MTMR2: variants seen among roughly 807,000 people sequenced by gnomAD.
MTMR2 encodes phosphatidylinositol-3,5-bisphosphate 3-phosphatase MTMR2.
A neutral mutation model predicts 86.9 loss-of-function variants in MTMR2; 55 were observed. The observed-to-expected ratio is 0.63, with a 90% CI of 0.51 to 0.79. MTMR2 has a LOEUF of 0.79. Ranked by LOEUF, MTMR2 falls within the 30% of genes least tolerant of loss-of-function variation. The pLI is 0.00. For missense variants in MTMR2, 659 were observed against 772.3 expected, an observed-to-expected ratio of 0.85 and a Z score of 1.74; for synonymous variants, 241 against 266.8, an observed-to-expected ratio of 0.90 and a Z score of 0.94.
Position 95,849,686 on chromosome 11 carries a change from A to C in MTMR2, c.981T>G (p.Ala327=), listed in dbSNP as rs2135439193. 4 of 1,614,034 alleles carry C rather than the reference A, an allele frequency of 2.5e-6. No homozygotes were observed. The highest frequency in any genetic ancestry group is 3.4e-6 in the Non-Finnish European group (4 of 1,179,880). Reference sequence around the variant, plus strand: ...GAGACCATCTGACCTTGTTGGCAACAGCATTAACACTTGGCCGGGCATCAA... The same window carrying C: ...GAGACCATCTGACCTTGTTGGCAACCGCATTAACACTTGGCCGGGCATCAA... The part of the protein sequence containing the change: ...FIFDARPSVN[A]VANKAKGGGY... Residue 327 remains alanine, a synonymous_variant, in exon 9 of 15, where the codon GCT becomes GCG. Coordinates refer to ENST00000346299, the MANE Select transcript of MTMR2 (RefSeq NM_016156.6).
chr11:95,919,914 CA>C (rs1320343263), intron 1 of MTMR2, among the ~76,000 whole-genome samples: 1 of 151,954 alleles, frequency 6.6e-6, no homozygotes, highest in East Asian at 1.9e-4. Flanking sequence ...CCCACTAAAG[CA>C]GTGCATTTTA....
chr11:95,854,893 C>T (rs370243421), intron 7 of MTMR2, among the ~76,000 whole-genome samples: 11 of 152,106 alleles, frequency 7.2e-5, no homozygotes, highest in South Asian at 4.2e-4. Flanking sequence ...ACTGCAGCCT[C>T]GAGCTCCAGG....
chr11:95,849,526 T>G, intron 9 of MTMR2, 148 bp downstream of exon 9: 1 of 744,754 alleles, frequency 1.3e-6, no homozygotes, highest in East Asian at 2.5e-5. Flanking sequence ...AATAACTAAC[T>G]CAAAATCACA....
At chr11:95,911,497 G>A (rs996672625) in intron 1 of MTMR2, among the ~76,000 whole-genome samples, 2 of 152,110 alleles carry the variant, frequency 1.3e-5, no homozygotes, top group African/African-American at 2.4e-5. Flanking sequence ...GGACTGGAGG[G>A]CAGGAAGGAC....
intron 1 of MTMR2, among the ~76,000 whole-genome samples, chr11:95,920,051 C>G (rs1866857313): frequency 6.6e-6 from 1 of 152,214 alleles, no homozygotes; most frequent in Admixed American, 6.5e-5. Context: ...ATTATCACAT[C>G]TGACCTACAG....
chr11:95,862,088 A>G lies in MTMR2; in HGVS notation c.372T>C (p.Val124=). Residue 124 remains valine (V), a synonymous_variant, in exon 5 of 15, where the codon GTT becomes GTC. Transcript: ENST00000346299. ...FKSMERDPPF[V]LDASLGVINR... The stretch of plus-strand genomic sequence containing the variant: ...TTATCACACCAAGGGAAGCATCTAA[A>G]ACAAATGGGGGATCCTAAAGAAGGA... 1 of 1,613,730 alleles carries G rather than the reference A, an allele frequency of 6.2e-7. No individual in the cohort carries two copies. The highest frequency in any genetic ancestry group is 8.5e-7 in the Non-Finnish European group (1 of 1,179,704).
chr11:95,855,107 G>GCCTTTGCCCATTTTTGAAGAGATAT (rs1192555853), intron 7 of MTMR2, among the ~76,000 whole-genome samples: 1 of 152,002 alleles, frequency 6.6e-6, no homozygotes, highest in East Asian at 1.9e-4. Context: ...ACTGTGCCCA[G>GCCTTTGCCCATTTTTGAAGAGATAT]ATGACTTGAT....
At chr11:95,846,728 C>G (rs994204373) in intron 10 of MTMR2, among the ~76,000 whole-genome samples, 1 of 152,080 alleles carries the variant, frequency 6.6e-6, no homozygotes. Context: ...TCAAACACAG[C>G]GATTTATGTT....
At chr11:95,872,276 T>C (rs1425338053) in intron 2 of MTMR2, among the ~76,000 whole-genome samples, 1 of 152,216 alleles carries the variant, frequency 6.6e-6, no homozygotes, top group African/African-American at 2.4e-5. Context: ...ATCCATTTGT[T>C]TGTATCCTCT....
intron 13 of MTMR2, among the ~76,000 whole-genome samples, chr11:95,836,660 C>A (rs1163777875): frequency 6.6e-6 from 1 of 151,628 alleles, no homozygotes; most frequent in Non-Finnish European, 1.5e-5. Flanking sequence ...CATCAACTGA[C>A]GAATGGATAA....
At chr11:95,915,545 T>A (rs1487111546) in intron 1 of MTMR2, among the ~76,000 whole-genome samples, 1 of 152,170 alleles carries the variant, frequency 6.6e-6, no homozygotes, top group Non-Finnish European at 1.5e-5. Context: ...AAGACACAGA[T>A]GTCTCCGCAT....
chr11:95,862,492 C>T, intron 3 of MTMR2, 126 bp from the exon 4 acceptor site: 2 of 768,442 alleles, frequency 2.6e-6, no homozygotes, highest in Non-Finnish European at 4.4e-6. Flanking sequence ...CCAGTAATTT[C>T]CAGAGACCTC....
chr11:95,887,905 C>A (rs1865570001), intron 2 of MTMR2: 1 of 418,132 alleles, frequency 2.4e-6, no homozygotes, highest in Admixed American at 4.0e-5. Context: ...ATCTTTTATA[C>A]CACAAAAAAT....
chr11:95,916,600 TA>T (rs1490743204), intron 1 of MTMR2, among the ~76,000 whole-genome samples: 1 of 151,896 alleles, frequency 6.6e-6, no homozygotes, highest in Admixed American at 6.6e-5. Context: ...TCTCCTATAT[TA>T]AGCCACTGTC....
chr11:95,865,529 T>A (rs1327993724), intron 3 of MTMR2, 72 bp downstream of exon 3: 5 of 1,366,004 alleles, frequency 3.7e-6, no homozygotes, highest in Non-Finnish European at 5.2e-6. Context: ...TTATTCTCTG[T>A]ATGCTGAGAG....
At chr11:95,900,707 G>A (rs1246411079) in intron 1 of MTMR2, among the ~76,000 whole-genome samples, 2 of 152,012 alleles carry the variant, frequency 1.3e-5, no homozygotes, top group African/African-American at 4.8e-5. Context: ...TGGGAGAGGT[G>A]TGTGTGTGTG....
intron 1 of MTMR2, 45 bp downstream of exon 1, chr11:95,923,830 C>A: frequency 6.5e-7 from 1 of 1,538,524 alleles, no homozygotes. Flanking sequence ...CGGCCCCTCT[C>A]CATCCCCTTC....
chr11:95,900,619 T>C lies in MTMR2; in HGVS notation c.81-12358A>G, dbSNP rs1591037605. 4.7e-5 allele frequency among the ~76,000 whole-genome samples: 7 copies of C among 147,550 alleles called. 1 individual carries two copies. In the South Asian group the frequency reaches 1.5e-3, roughly 31 times the overall value. ...CCAAACGCACCCTTCCTTCCTTTTG[T>C]AGATAACATTTTTTTTTTTTAGGTT... On this transcript the variant is annotated intron_variant, in intron 1 of 14. Coordinates refer to ENST00000346299, the MANE Select transcript of MTMR2 (RefSeq NM_016156.6).
intron 7 of MTMR2, among the ~76,000 whole-genome samples, chr11:95,856,405 A>G (rs1347778634): frequency 1.3e-5 from 2 of 150,404 alleles, no homozygotes; most frequent in Non-Finnish European, 3.0e-5. Context: ...ATTTTAAGAG[A>G]TCATCTTCAT....
Sources: gnomAD v4.1 joint callset for allele counts (sites outside exome capture counted in the v4.1 genomes callset) on GRCh38, gnomAD v4.1.1 for gene constraint, MANE v1.5 for transcripts, NCBI Gene and HGNC (gene_info 2026-07-23, HGNC 2026-07-21) for gene names.